The following FNIP2 variants were observed in gnomAD, a reference collection of about 807,000 sequenced individuals.
FNIP2 encodes folliculin interacting protein 2.
Under a neutral mutation model 108.7 loss-of-function variants are expected in FNIP2, and 32 were observed. The observed-to-expected ratio is 0.29, with a 90% CI of 0.22 to 0.40. The LOEUF (loss-of-function observed/expected upper bound fraction) is 0.40. Among genes scored for constraint, FNIP2 ranks in the 10% least tolerant of loss-of-function variants. The probability of loss-of-function intolerance (pLI) is 1.00; values close to 1 mark genes in which losing one functional copy is unlikely to be tolerated. For missense variants in FNIP2, 1,202 were observed against 1,381.6 expected, an observed-to-expected ratio of 0.87 and a Z score of 2.06; for synonymous variants, 480 against 496.7, an observed-to-expected ratio of 0.97 and a Z score of 0.45.
At chr4:158,895,725 A>G in intron 15 of FNIP2, 25 bp from the exon 16 acceptor site, 2 of 1,440,288 alleles carry the variant, frequency 1.4e-6, no homozygotes, top group Non-Finnish European at 1.9e-6. Flanking sequence ...TCTAGCCCTC[A>G]TTGTGAATGT....
intron 12 of FNIP2, among the ~76,000 whole-genome samples, chr4:158,863,074 T>C (rs956875042): frequency 1.6e-4 from 25 of 152,194 alleles, no homozygotes; most frequent in African/African-American, 5.8e-4. Context: ...CATGTATTGT[T>C]GAAAGTCTTC....
chr4:158,833,713 G>GTT (rs371442899), intron 6 of FNIP2, 85 bp downstream of exon 6: 925 of 1,166,338 alleles, frequency 7.9e-4, no homozygotes, highest in African/African-American at 2.8e-3. Flanking sequence ...TTTGTCGTGG[G>GTT]TTTTTTTTTT....
intron 7 of FNIP2, among the ~76,000 whole-genome samples, chr4:158,843,186 C>A (rs994133111): frequency 6.6e-6 from 1 of 152,102 alleles, no homozygotes; most frequent in Non-Finnish European, 1.5e-5. Context: ...GATTCAGAGC[C>A]ATACTATCAC....
intron 14 of FNIP2, among the ~76,000 whole-genome samples, chr4:158,873,154 A>C (rs1002924995): frequency 1.3e-5 from 2 of 151,650 alleles, no homozygotes; most frequent in African/African-American, 4.9e-5. Context: ...TTAAAAAAAA[A>C]AAAAGAAAAA....
At chr4:158,842,433 T>G (rs942364704) in intron 7 of FNIP2, among the ~76,000 whole-genome samples, 1 of 152,222 alleles carries the variant, frequency 6.6e-6, no homozygotes, top group African/African-American at 2.4e-5. Flanking sequence ...GAAGCCAGAC[T>G]AAATAACTTT....
chr4:158,858,149 TAAAGA>T (rs1780093448), intron 8 of FNIP2, among the ~76,000 whole-genome samples: 1 of 152,160 alleles, frequency 6.6e-6, no homozygotes, highest in African/African-American at 2.4e-5. Flanking sequence ...TAATTTATAG[TAAAGA>T]AAATGGAGGA....
At chr4:158,882,762 G>A (rs1781755372) in intron 14 of FNIP2, among the ~76,000 whole-genome samples, 1 of 152,188 alleles carries the variant, frequency 6.6e-6, no homozygotes, top group South Asian at 2.1e-4. Context: ...TAAGGGCGGT[G>A]CAAGATGTGC....
intron 12 of FNIP2, among the ~76,000 whole-genome samples, chr4:158,866,359 A>G (rs528337040): frequency 6.8e-6 from 1 of 146,928 alleles, no homozygotes; most frequent in African/African-American, 2.5e-5. Flanking sequence ...GCTAGGTTAC[A>G]GGTGTCTGCC....
intron 2 of FNIP2, among the ~76,000 whole-genome samples, chr4:158,826,541 G>A (rs1470592099): frequency 6.6e-6 from 1 of 151,882 alleles, no homozygotes; most frequent in East Asian, 1.9e-4. Context: ...TCTTCAAAAA[G>A]GATTGTTTCT....
intron 1 of FNIP2, among the ~76,000 whole-genome samples, chr4:158,819,589 G>A (rs1777767119): frequency 6.6e-6 from 1 of 152,218 alleles, no homozygotes; most frequent in Non-Finnish European, 1.5e-5. Flanking sequence ...AGAAAGGAGA[G>A]CCAACACAGT....
At chr4:158,769,657 C>T (rs1264633984) in intron 1 of FNIP2, among the ~76,000 whole-genome samples, 1 of 152,208 alleles carries the variant, frequency 6.6e-6, no homozygotes, top group Non-Finnish European at 1.5e-5. Context: ...GCAGAGCCGC[C>T]TGGGCACCTC....
At chr4:158,812,666 A>T (rs1208730994) in intron 1 of FNIP2, among the ~76,000 whole-genome samples, 1 of 152,002 alleles carries the variant, frequency 6.6e-6, no homozygotes, top group Non-Finnish European at 1.5e-5. Flanking sequence ...TCCCATGTAC[A>T]CCTTGCCCCC....
At chr4:158,895,667 A>G in intron 15 of FNIP2, 83 bp from the exon 16 acceptor site, 1 of 842,278 alleles carries the variant, frequency 1.2e-6, no homozygotes, top group Non-Finnish European at 2.0e-6. Context: ...GTAGTTAGAA[A>G]TGAATTAAGA....
Position 158,869,388 on chromosome 4 carries a change from A to T in FNIP2, c.2752A>T (p.Arg918Trp). 1.2e-6 allele frequency: 2 copies of T among 1,609,580 alleles called. No homozygotes were observed. Among genetic ancestry groups the T allele is most frequent in the Non-Finnish European group, 8.5e-7 (1 of 1,178,410 alleles). Reference sequence around the variant, plus strand: ...GCTAGATCTGGGTCACGGTGGTGACAGGACTGGAGGGTCCTTGGAAGTGGA... The same window carrying T: ...GCTAGATCTGGGTCACGGTGGTGACTGGACTGGAGGGTCCTTGGAAGTGGA... Reference protein sequence around the residue: ...AMLDLGHGGDRTGGSLEVELP... With the variant: ...AMLDLGHGGDWTGGSLEVELP... The change falls in exon 13 of 17, where the codon AGG (arginine) becomes TGG (tryptophan). Residue 918 changes from arginine (R) to tryptophan (W), a missense_variant. Physicochemically the swap from Arg to Trp is moderately radical, Grantham distance 101. Transcript: ENST00000264433.
intron 16 of FNIP2, among the ~76,000 whole-genome samples, chr4:158,896,236 C>T (rs1782659679): frequency 6.6e-6 from 1 of 152,074 alleles, no homozygotes; most frequent in Non-Finnish European, 1.5e-5. Context: ...ATTTCACTTC[C>T]TGGAGGAGGA....
intron 14 of FNIP2, chr4:158,872,336 C>T (rs1352256743): frequency 2.0e-6 from 2 of 985,314 alleles, no homozygotes; most frequent in African/African-American, 3.5e-5. Context: ...TGGTGACCCT[C>T]TGGCTCTATA....
chr4:158,844,326 AT>A lies in FNIP2; in HGVS notation c.728-6987del, dbSNP rs1245917213. The stretch of plus-strand genomic sequence containing the variant: ...TATATATAAGTAGGAGTATGCTTGG[AT>A]TTTTTTTGGTAAATATTGATATTAT... On this transcript the variant is annotated intron_variant, in intron 7 of 16. Coordinates refer to ENST00000264433, the MANE Select transcript of FNIP2 (RefSeq NM_020840.3). Among the ~76,000 whole-genome samples the A allele has an allele frequency of 1.8e-4, 27 of 152,106 alleles. No individual in the cohort carries two copies. In the East Asian group the frequency reaches 4.8e-3, roughly 27 times the overall value.
chr4:158,791,266 C>CTTTTTTTTTTTTTTT (rs199714823), intron 1 of FNIP2, among the ~76,000 whole-genome samples: 3 of 98,050 alleles, frequency 3.1e-5, no homozygotes, highest in Non-Finnish European at 3.8e-5. Flanking sequence ...ACTGAGGATC[C>CTTTTTTTTTTTTTTT]TTTTTTTTTT....
intron 7 of FNIP2, among the ~76,000 whole-genome samples, chr4:158,843,493 G>C (rs559298378): frequency 1.3e-5 from 2 of 152,254 alleles, no homozygotes; most frequent in South Asian, 4.1e-4. Flanking sequence ...TATTATCCCT[G>C]ATCTCACAGA....
Sources: gnomAD v4.1 joint callset for allele counts (sites outside exome capture counted in the v4.1 genomes callset) on GRCh38, gnomAD v4.1.1 for gene constraint, MANE v1.5 for transcripts, NCBI Gene and HGNC (gene_info 2026-07-23, HGNC 2026-07-21) for gene names.